LRP1: variants seen among roughly 807,000 people sequenced by gnomAD.
LRP1 encodes LDL receptor related protein 1.
A neutral mutation model predicts 541.5 loss-of-function variants in LRP1; 51 were observed. The ratio of observed to expected loss-of-function variants is 0.09; its 90% CI spans 0.08 to 0.12. The LOEUF (loss-of-function observed/expected upper bound fraction) is 0.12, where lower values mean the gene tolerates loss of function less well. LRP1 is among the 10% of genes least tolerant of loss of function. The probability of loss-of-function intolerance (pLI) is 1.00; values close to 1 mark genes in which losing one functional copy is unlikely to be tolerated. For missense variants in LRP1, 3,878 were observed against 6,376.2 expected, an observed-to-expected ratio of 0.61 and a Z score of 13.34; for synonymous variants, 2,219 against 2,470.8, an observed-to-expected ratio of 0.90 and a Z score of 3.02.
At position 57,154,454 on chromosome 12, in the gene LRP1, CCATTTAA is replaced by C. The variant is rs2035581660; in HGVS notation, c.1005-21_1005-15del. 4 of 1,610,396 alleles carry C rather than the reference CCATTTAA, an allele frequency of 2.5e-6. No individual in the cohort carries two copies. The South Asian group carries it at 4.4e-5, about 18-fold the overall frequency. Reference sequence around the variant, plus strand: ...AAGGAGGGTGCCCAATGTCCAGACCCCATTTAACATGCATCTTCCCACAGGAAGGTGT... The same window carrying C: ...AAGGAGGGTGCCCAATGTCCAGACCCCATGCATCTTCCCACAGGAAGGTGT... On this transcript the variant is annotated intron_variant, in intron 7 of 88. Transcript: ENST00000243077. This position sits in a 1 kb window ranked among gnomAD's most constrained non-coding sequence, Gnocchi z 4.6.
At chr12:57,199,432 G>A (rs374808884) in intron 61 of LRP1, 32 bp downstream of exon 61, 60 of 1,594,276 alleles carry the variant, frequency 3.8e-5, no homozygotes, top group Non-Finnish European at 4.6e-5. Context: ...GCAGGCGAAC[G>A]GTGAGCCAGG....
chr12:57,202,586 C>G, intron 68 of LRP1, 49 bp downstream of exon 68: 1 of 1,433,630 alleles, frequency 7.0e-7, no homozygotes, highest in South Asian at 1.2e-5. Flanking sequence ...CAGGCCTGGC[C>G]CTTGTCTCGC....
rs1592634529 is a variant in LRP1, at chr12:57,177,663, G to A, written c.4361+72G>A. 1.3e-6 allele frequency: 2 copies of A among 1,508,670 alleles called. No homozygotes were observed. Among genetic ancestry groups the A allele is most frequent in the Non-Finnish European group, 9.1e-7 (1 of 1,102,866 alleles). 93.5% of individuals were successfully genotyped at this position (1,508,670 alleles called of 1,614,324 possible). ...GACGGGGTGGGGAGGAACCTGTGGT[G>A]ATGAGGGTGATGAGAAGGACCAAGG... is the stretch of plus-strand genomic sequence containing the variant. On this transcript the variant is annotated intron_variant, in intron 26 of 88. Transcript: ENST00000243077. The surrounding 1 kb of genome is among the most constrained non-coding windows in gnomAD (Gnocchi z 6.8).
chr12:57,168,569 G>C (rs544433774), intron 19 of LRP1, among the ~76,000 whole-genome samples: 3 of 152,308 alleles, frequency 2.0e-5, no homozygotes, highest in African/African-American at 7.2e-5. Context: ...TAAATACAGA[G>C]GGTCAAGTCA....
In LRP1 at chr12:57,179,541, A is replaced by G. The variant is rs1565736325; in HGVS notation, c.4951A>G (p.Thr1651Ala). ...RAFINGTGVE[T>A]VVSADLPNAH... ...CTTCATCAACGGCACAGGCGTGGAG[A>G]CAGTCGTCTCTGCAGGTTCTTCCTG... Residue 1651 changes from threonine (T) to alanine (A), a missense_variant, in exon 29 of 89, where the codon ACA (threonine) becomes GCA (alanine). Transcript: ENST00000243077. The surrounding 1 kb of genome is among the most constrained non-coding windows in gnomAD (Gnocchi z 6.8). 6.2e-7 allele frequency: 1 copy of G among 1,613,874 alleles called. No homozygotes were observed. Among genetic ancestry groups the G allele is most frequent in the South Asian group, 1.1e-5 (1 of 91,070 alleles).
chr12:57,156,740 T>C lies in LRP1; in HGVS notation c.1418-37T>C. On this transcript the variant is annotated intron_variant, in intron 9 of 88. Transcript: ENST00000243077. This position sits in a 1 kb window ranked among gnomAD's most constrained non-coding sequence, Gnocchi z 5.2. ...CCTTCTCAAGGCCTGGCACAGGGGC[T>C]CTGAGGGGTCCTAACAGCTCTTCAC... 1.3e-6 allele frequency: 2 copies of C among 1,575,044 alleles called. No individual in the cohort carries two copies. Among genetic ancestry groups the C allele is most frequent in the South Asian group, 2.3e-5 (2 of 88,090 alleles).
chr12:57,173,678 T>A lies in LRP1; in HGVS notation c.3347-102T>A. On this transcript the variant is annotated intron_variant, in intron 21 of 88. Transcript: ENST00000243077. The surrounding 1 kb of genome is among the most constrained non-coding windows in gnomAD (Gnocchi z 4.7). ...GGGTTCCTCGTGGACCCCACAGCGT[T>A]GCAATCCTGACCCTATTAGAGAAGC... is the stretch of plus-strand genomic sequence containing the variant. The A allele has an allele frequency of 7.9e-7, 1 of 1,266,836 alleles. No homozygotes were observed. Among genetic ancestry groups the A allele is most frequent in the African/African-American group, 1.5e-5 (1 of 68,048 alleles). The allele number at this position is 1,266,836 out of a possible 1,614,324, so 78.5% of individuals were successfully genotyped here. A position where few individuals can be genotyped will look rare whatever the true frequency, so the allele number is the denominator to read the frequency against.
chr12:57,160,235 G>C (rs1307129986), intron 12 of LRP1, among the ~76,000 whole-genome samples: 2 of 152,116 alleles, frequency 1.3e-5, no homozygotes, highest in Non-Finnish European at 2.9e-5. Context: ...CCTTCCACCA[G>C]CTCCCCTTAC....
chr12:57,191,611 C>G (rs2036381630), intron 44 of LRP1, 99 bp downstream of exon 44: 1 of 1,030,252 alleles, frequency 9.7e-7, no homozygotes, highest in Non-Finnish European at 1.4e-6. Context: ...CACACGCACC[C>G]TACACATACC....
Position 57,194,683 on chromosome 12 carries a change from G to A in LRP1, c.8175G>A (p.Glu2725=). 6.3e-7 allele frequency: 1 copy of A among 1,575,356 alleles called. No individual in the cohort carries two copies. The highest frequency in any genetic ancestry group is 8.6e-7 in the Non-Finnish European group (1 of 1,160,436). ...CDKEDDCEHG[E]DETHCNKFCS... ...AAGAGGATGACTGTGAACATGGCGAGGACGAGACCCACTGCAGTGAGTGAC... is the reference window on the plus strand; with the variant it reads ...AAGAGGATGACTGTGAACATGGCGAAGACGAGACCCACTGCAGTGAGTGAC... Residue 2725 remains glutamate (E), a synonymous_variant, in exon 50 of 89, where the codon GAG becomes GAA. Coordinates refer to ENST00000243077, the MANE Select transcript of LRP1 (RefSeq NM_002332.3).
intron 41 of LRP1, among the ~76,000 whole-genome samples, chr12:57,186,217 T>G (rs2036268285): frequency 6.6e-6 from 1 of 152,198 alleles, no homozygotes; most frequent in African/African-American, 2.4e-5. Flanking sequence ...ACTTGGGCTT[T>G]CAATAACTTG....
chr12:57,135,500 G>C (rs572042975), intron 1 of LRP1, among the ~76,000 whole-genome samples: 5 of 152,278 alleles, frequency 3.3e-5, no homozygotes, highest in Admixed American at 2.6e-4. Flanking sequence ...TAGTTTATTT[G>C]TTTCTTTCTT....
At position 57,204,929 on chromosome 12, in the gene LRP1, G is replaced by T. The variant is rs1159485982; in HGVS notation, c.11194+180G>T. ...TAGGAAAGAGAAGCCCCTGGGGAAGGCTCTGGGGGCTGCCTGATGCCTTAG... is the reference window on the plus strand; with the variant it reads ...TAGGAAAGAGAAGCCCCTGGGGAAGTCTCTGGGGGCTGCCTGATGCCTTAG... On this transcript the variant is annotated intron_variant, in intron 72 of 88. Transcript: ENST00000243077. This position sits in a 1 kb window ranked among gnomAD's most constrained non-coding sequence, Gnocchi z 5.3. The T allele has an allele frequency of 7.6e-7, 1 of 1,313,756 alleles. No homozygotes were observed. The highest frequency in any genetic ancestry group is 2.5e-5 in the East Asian group (1 of 40,774). 81.4% of individuals were successfully genotyped at this position (1,313,756 alleles called of 1,614,324 possible). A position where few individuals can be genotyped will look rare whatever the true frequency, so the allele number is the denominator to read the frequency against.
rs34010163 is a variant in LRP1 at position 57,177,947 on chromosome 12, C to CTT, written c.4361+374_4361+375dup. 1.1e-4 allele frequency among the ~76,000 whole-genome samples: 13 copies of CTT among 121,374 alleles called. No individual in the cohort carries two copies. Among genetic ancestry groups the CTT allele is most frequent in the South Asian group, 7.5e-4 (3 of 3,984 alleles). The allele number at this position is 121,374 out of a possible 152,430, so 79.6% of individuals were successfully genotyped here. A position where few individuals can be genotyped will look rare whatever the true frequency, so the allele number is the denominator to read the frequency against. ...CCCAGGGAGGGTGCCTTTTTCTTTT[C>CTT]TTTTTTTTTTTTTTTTTTTGAGACA... On this transcript the variant is annotated intron_variant, in intron 26 of 88. Transcript: ENST00000243077. The surrounding 1 kb of genome is among the most constrained non-coding windows in gnomAD (Gnocchi z 6.8).
At chr12:57,151,053 A>C (rs2035516236) in intron 6 of LRP1, among the ~76,000 whole-genome samples, 1 of 152,054 alleles carries the variant, frequency 6.6e-6, no homozygotes, top group African/African-American at 2.4e-5. Context: ...CAGGACATAA[A>C]GGCTTCTTCC....
chr12:57,193,695 G>A lies in LRP1; in HGVS notation c.7804+10G>A, dbSNP rs756429424. ...GAGATCCCTTGCAACAGTGAGTGAG[G>A]CGCACTGGCATAACCCATCTGTACC... On this transcript the variant is annotated intron_variant, in intron 47 of 88. Coordinates refer to ENST00000243077, the MANE Select transcript of LRP1 (RefSeq NM_002332.3). 2.4e-5 allele frequency: 38 copies of A among 1,614,004 alleles called. No individual in the cohort carries two copies. The highest frequency in any genetic ancestry group is 3.1e-5 in the Non-Finnish European group (36 of 1,180,032).
intron 6 of LRP1, chr12:57,149,390 T>C: frequency 1.8e-6 from 1 of 547,020 alleles, no homozygotes; most frequent in Non-Finnish European, 3.2e-6. Flanking sequence ...GCCCTGTGTC[T>C]CCCGGCCCAG....
chr12:57,166,785 CAG>C, intron 17 of LRP1, 143 bp from the exon 18 acceptor site: 1 of 638,038 alleles, frequency 1.6e-6, no homozygotes, highest in South Asian at 1.9e-5. Flanking sequence ...CCAGTGAGAC[CAG>C]AGAGATGGTT....
At chr12:57,151,748 G>C (rs73342540) in intron 6 of LRP1, among the ~76,000 whole-genome samples, 1 of 152,148 alleles carries the variant, frequency 6.6e-6, no homozygotes, top group Non-Finnish European at 1.5e-5. Context: ...TGGCCTTGGA[G>C]TGGTGGCCAA....
Sources: gnomAD v4.1 joint callset for allele counts (sites outside exome capture counted in the v4.1 genomes callset) on GRCh38, gnomAD v4.1.1 for gene constraint, Gnocchi (gnomAD v3.1) non-coding constraint, MANE v1.5 for transcripts, NCBI Gene and HGNC (gene_info 2026-07-23, HGNC 2026-07-21) for gene names.